SNX29: variants seen among roughly 807,000 people sequenced by gnomAD.
SNX29 encodes the protein sorting nexin-29.
In SNX29, 78 loss-of-function variants were observed where a neutral mutation model predicts 102.1. The ratio of observed to expected loss-of-function variants is 0.76; its 90% CI spans 0.64 to 0.92. The LOEUF (loss-of-function observed/expected upper bound fraction) is 0.92. SNX29 is among the 40% of genes least tolerant of loss of function. SNX29 has a pLI of 0.00. For missense variants in SNX29, 1,280 were observed against 1,061.7 expected, an observed-to-expected ratio of 1.21 and a Z score of -2.86; for synonymous variants, 580 against 414.5, an observed-to-expected ratio of 1.40 and a Z score of -4.85.
chr16:12,048,038 C>T (rs1029859409), intron 6 of SNX29, among the ~76,000 whole-genome samples: 2 of 152,032 alleles, frequency 1.3e-5, no homozygotes, highest in African/African-American at 4.8e-5. Flanking sequence ...GTGCCTTTAC[C>T]TCCTCCCAGT....
At chr16:12,567,149 G>C (rs1166391032) in intron 20 of SNX29, among the ~76,000 whole-genome samples, 1 of 152,220 alleles carries the variant, frequency 6.6e-6, no homozygotes. Flanking sequence ...ACTGGGCTTG[G>C]ATACAGCTGG....
chr16:12,253,344 C>G (rs2078476091), intron 14 of SNX29, among the ~76,000 whole-genome samples: 1 of 152,158 alleles, frequency 6.6e-6, no homozygotes, highest in African/African-American at 2.4e-5. Context: ...GATAAAAATT[C>G]CTGCTATGTG....
At chr16:12,440,620 G>A (rs11075076) in intron 18 of SNX29, among the ~76,000 whole-genome samples, 91,085 of 151,814 alleles carry the variant, frequency 0.6, 28,516 homozygotes, top group African/African-American at 0.79. Flanking sequence ...GAAGGCCCCA[G>A]TGTGTGGTGT....
rs1567527864 is a variant in SNX29, at chr16:12,403,228, GTGTGTGTGTGTGTGTGTGTGTGTGTGT to G, written c.1956-219_1956-193del. The stretch of plus-strand genomic sequence containing the variant: ...TGTGTGTGTGTGTGTGTGTGTGTGT[GTGTGTGTGTGTGTGTGTGTGTGTGTGT>G]AGAGAGAGACAGACTGAGTGATGAC... On this transcript the variant is annotated intron_variant, in intron 17 of 20. Coordinates refer to ENST00000566228, the MANE Select transcript of SNX29 (RefSeq NM_032167.5). 1.7e-4 allele frequency among the ~76,000 whole-genome samples: 25 copies of G among 150,350 alleles called. 1 individual carries two copies. The highest frequency in any genetic ancestry group is 6.2e-4 in the African/African-American group (25 of 40,444).
At chr16:12,376,296 G>T (rs971713524) in intron 16 of SNX29, among the ~76,000 whole-genome samples, 4 of 152,222 alleles carry the variant, frequency 2.6e-5, no homozygotes, top group African/African-American at 9.6e-5. Context: ...AATGCCAGGT[G>T]AAGCCGAGCA....
chr16:12,454,664 G>C (rs1385261182), intron 18 of SNX29, among the ~76,000 whole-genome samples: 1 of 152,166 alleles, frequency 6.6e-6, no homozygotes, highest in African/African-American at 2.4e-5. Context: ...ATTTAGACTT[G>C]AGCTTGAGTG....
intron 20 of SNX29, among the ~76,000 whole-genome samples, chr16:12,544,693 C>T (rs113626469): frequency 6.6e-6 from 1 of 152,222 alleles, no homozygotes; most frequent in Non-Finnish European, 1.5e-5. Flanking sequence ...CACTCGAATT[C>T]TCTTCCTCCA....
At chr16:12,548,203 C>T (rs34295513) in intron 20 of SNX29, among the ~76,000 whole-genome samples, 2 of 152,078 alleles carry the variant, frequency 1.3e-5, no homozygotes, top group African/African-American at 4.8e-5. Flanking sequence ...GCGCCTCCCA[C>T]AAGGCCACGC....
intron 1 of SNX29, among the ~76,000 whole-genome samples, chr16:11,983,205 A>G (rs448756): frequency 0.76 from 114,128 of 150,268 alleles, 44,324 homozygotes; most frequent in Non-Finnish European, 0.84. Context: ...TGCTAGGATT[A>G]CAGGTGTGAG....
intron 3 of SNX29, among the ~76,000 whole-genome samples, chr16:12,013,452 C>T (rs2056723689): frequency 8.5e-6 from 1 of 117,972 alleles, no homozygotes; most frequent in Non-Finnish European, 1.7e-5. Flanking sequence ...TCGAGACCAG[C>T]CTGGCCAACA....
intron 11 of SNX29, among the ~76,000 whole-genome samples, chr16:12,101,301 C>CTTTTTT (rs1212782573): frequency 0.15 from 18,314 of 118,192 alleles, 2,013 homozygotes; most frequent in Middle Eastern, 0.22. Context: ...CCCCCCCCAA[C>CTTTTTT]TTTTTTTTTT....
At chr16:12,006,948 G>A (rs1415483526) in intron 3 of SNX29, among the ~76,000 whole-genome samples, 1 of 152,174 alleles carries the variant, frequency 6.6e-6, no homozygotes, top group African/African-American at 2.4e-5. Context: ...TGAGAAAACA[G>A]ATTCAGAGAG....
chr16:12,465,203 C>A (rs1489155551), intron 18 of SNX29, among the ~76,000 whole-genome samples: 1 of 152,148 alleles, frequency 6.6e-6, no homozygotes, highest in Non-Finnish European at 1.5e-5. Context: ...CTTTGCTGCA[C>A]AGAAGCTCTT....
intron 18 of SNX29, among the ~76,000 whole-genome samples, chr16:12,468,890 G>C (rs1470064496): frequency 6.6e-6 from 1 of 152,244 alleles, no homozygotes; most frequent in Non-Finnish European, 1.5e-5. Flanking sequence ...TCAGCGGGGT[G>C]GGAAGGCTGG....
At chr16:12,043,455 A>C (rs1184521409) in intron 5 of SNX29, among the ~76,000 whole-genome samples, 1 of 151,814 alleles carries the variant, frequency 6.6e-6, no homozygotes, top group Non-Finnish European at 1.5e-5. Flanking sequence ...CCCTGGCTCA[A>C]GCAATCCTCC....
intron 14 of SNX29, among the ~76,000 whole-genome samples, chr16:12,219,073 C>A (rs1359606766): frequency 6.6e-6 from 1 of 152,100 alleles, no homozygotes; most frequent in African/African-American, 2.4e-5. Flanking sequence ...CGCGCCTGGC[C>A]CTGTTTCCAG....
At chr16:12,418,569 C>T (rs184243065) in intron 18 of SNX29, among the ~76,000 whole-genome samples, 19 of 151,284 alleles carry the variant, frequency 1.3e-4, no homozygotes, top group Non-Finnish European at 2.1e-4. Context: ...GGCTGGAGTG[C>T]GGTGGCACGA....
At chr16:12,553,902 G>A (rs1028696166) in intron 20 of SNX29, among the ~76,000 whole-genome samples, 1 of 151,650 alleles carries the variant, frequency 6.6e-6, no homozygotes, top group African/African-American at 2.4e-5. Context: ...GGAGTGCAGT[G>A]GCATGATCTC....
At position 12,117,190 on chromosome 16, in the gene SNX29, T is replaced by C. The variant is rs560128175; in HGVS notation, c.1403-9443T>C. ...GGAAACAGGCACGGTCAATACGTGCTTCAACGCGGATGAACCGTGGAAACA... is the reference window on the plus strand; with the variant it reads ...GGAAACAGGCACGGTCAATACGTGCCTCAACGCGGATGAACCGTGGAAACA... On this transcript the variant is annotated intron_variant, in intron 11 of 20. Coordinates refer to ENST00000566228, the MANE Select transcript of SNX29 (RefSeq NM_032167.5). 2.2e-4 allele frequency among the ~76,000 whole-genome samples: 32 copies of C among 145,560 alleles called. 2 individuals are homozygous for C. The South Asian group carries it at 5.0e-3, about 23-fold the overall frequency.
Sources: allele counts gnomAD v4.1 joint callset (sites outside exome capture counted in the v4.1 genomes callset), GRCh38; gene constraint gnomAD v4.1.1; transcripts MANE v1.5; gene names NCBI Gene and HGNC (gene_info 2026-07-23, HGNC 2026-07-21).